Variants in BMPR1B observed in about 807,000 individuals in gnomAD.
BMPR1B encodes the protein bone morphogenetic protein receptor type-1B.
A neutral mutation model predicts 59.1 loss-of-function variants in BMPR1B; 12 were observed. That is an observed-to-expected ratio of 0.20 (90% CI 0.13 to 0.33). The LOEUF (loss-of-function observed/expected upper bound fraction) is 0.33. Ranked by LOEUF, BMPR1B falls within the 10% of genes least tolerant of loss-of-function variation. The pLI is 1.00. For missense variants in BMPR1B, 550 were observed against 610.9 expected, an observed-to-expected ratio of 0.90 and a Z score of 1.05; for synonymous variants, 237 against 207.3, an observed-to-expected ratio of 1.14 and a Z score of -1.23.
At chr4:94,941,884 A>G (rs1007051847) in intron 2 of BMPR1B, among the ~76,000 whole-genome samples, 4 of 152,208 alleles carry the variant, frequency 2.6e-5, no homozygotes, top group Non-Finnish European at 5.9e-5. Context: ...GACATCACTC[A>G]TCCGTCTCCA....
intron 2 of BMPR1B, among the ~76,000 whole-genome samples, chr4:94,909,834 A>G (rs561672550): frequency 3.3e-5 from 5 of 152,094 alleles, no homozygotes; most frequent in African/African-American, 4.8e-5. Flanking sequence ...TGTGGGGCCT[A>G]TTGTGTCTCC....
intron 3 of BMPR1B, among the ~76,000 whole-genome samples, chr4:95,076,559 G>T (rs962051295): frequency 1.1e-4 from 16 of 151,974 alleles, no homozygotes; most frequent in African/African-American, 3.9e-4. Flanking sequence ...ACATATATAA[G>T]TATTATTATC....
At chr4:94,821,637 T>A (rs1458820657) in intron 1 of BMPR1B, among the ~76,000 whole-genome samples, 1 of 152,164 alleles carries the variant, frequency 6.6e-6, no homozygotes, top group East Asian at 1.9e-4. Context: ...AAATATTTAT[T>A]GAATACCTCC....
At chr4:95,020,443 G>T (rs1723894742) in intron 3 of BMPR1B, among the ~76,000 whole-genome samples, 1 of 152,110 alleles carries the variant, frequency 6.6e-6, no homozygotes, top group Non-Finnish European at 1.5e-5. Context: ...GCTGGGCGTG[G>T]TGGTACATGC....
chr4:94,962,405 T>C (rs562619854), intron 2 of BMPR1B, among the ~76,000 whole-genome samples: 112 of 152,304 alleles, frequency 7.4e-4, no homozygotes, highest in African/African-American at 2.5e-3. Flanking sequence ...CCCAAAGTGC[T>C]AGGATTACAG....
At chr4:94,886,707 G>A (rs1727183351) in intron 2 of BMPR1B, among the ~76,000 whole-genome samples, 1 of 152,098 alleles carries the variant, frequency 6.6e-6, no homozygotes, top group African/African-American at 2.4e-5. Context: ...TGAAGACAGA[G>A]AATGACATGA....
At chr4:95,028,055 T>C (rs10516957) in intron 3 of BMPR1B, among the ~76,000 whole-genome samples, 12,089 of 152,160 alleles carry the variant, frequency 0.079, 929 homozygotes, top group East Asian at 0.42. Context: ...ATTGGAGACA[T>C]TCCTAAAGAC....
At position 94,957,437 on chromosome 4, in the gene BMPR1B, A is replaced by C. The variant is rs758237489; in HGVS notation, c.-112-38603A>C. 6.2e-5 allele frequency among the ~76,000 whole-genome samples: 8 copies of C among 128,540 alleles called. No individual in the cohort carries two copies. In the Admixed American group the frequency reaches 7.0e-4, roughly 11 times the overall value. The allele number at this position is 128,540 out of a possible 152,430, so 84.3% of individuals were successfully genotyped here. A position where few individuals can be genotyped will look rare whatever the true frequency, so the allele number is the denominator to read the frequency against. On this transcript the variant is annotated intron_variant, in intron 2 of 12. Transcript: ENST00000515059. ...TTTCTTTTTGTCTTTTCATTTTCTT[A>C]TAAGACTTTAGGATGTTTAAAATGA...
At chr4:94,829,687 A>G (rs538316014) in intron 1 of BMPR1B, among the ~76,000 whole-genome samples, 1 of 152,288 alleles carries the variant, frequency 6.6e-6, no homozygotes, top group East Asian at 1.9e-4. Flanking sequence ...GTGCATAGAA[A>G]TGGAGAGGAA....
intron 3 of BMPR1B, among the ~76,000 whole-genome samples, chr4:95,000,728 A>G (rs1722386917): frequency 6.6e-6 from 1 of 152,106 alleles, no homozygotes; most frequent in Non-Finnish European, 1.5e-5. Context: ...CTTAGTATGG[A>G]AAGATTATAA....
chr4:94,991,425 T>G (rs1721752851), intron 2 of BMPR1B, among the ~76,000 whole-genome samples: 1 of 152,196 alleles, frequency 6.6e-6, no homozygotes. Flanking sequence ...ATGCTGTTAT[T>G]GAACCTATAT....
chr4:94,933,271 T>G lies in BMPR1B; in HGVS notation c.-113+57371T>G, dbSNP rs140218375. 3.5e-4 allele frequency among the ~76,000 whole-genome samples: 53 copies of G among 152,228 alleles called. No homozygotes were observed. The East Asian group carries it at 8.1e-3, about 23-fold the overall frequency. On this transcript the variant is annotated intron_variant, in intron 2 of 12. Transcript: ENST00000515059. ...GAAAACATGGCACTTAACGACTTCT[T>G]ATTCCATTATATCATAGTTTATTTA... is the stretch of plus-strand genomic sequence containing the variant.
At chr4:94,874,956 G>A (rs1726660070) in intron 1 of BMPR1B, among the ~76,000 whole-genome samples, 1 of 152,166 alleles carries the variant, frequency 6.6e-6, no homozygotes, top group African/African-American at 2.4e-5. Flanking sequence ...TCGCGCCACT[G>A]TAGTCCAGCC....
chr4:94,968,756 C>T (rs1234254878), intron 2 of BMPR1B, among the ~76,000 whole-genome samples: 2 of 152,058 alleles, frequency 1.3e-5, no homozygotes, highest in Non-Finnish European at 2.9e-5. Flanking sequence ...TGAGTTTTAC[C>T]ATTGGTAGCA....
At chr4:94,767,236 A>G (rs527621232) in intron 1 of BMPR1B, among the ~76,000 whole-genome samples, 1 of 152,244 alleles carries the variant, frequency 6.6e-6, no homozygotes, top group Non-Finnish European at 1.5e-5. Flanking sequence ...TAGCTTAACT[A>G]CTATTTAAAT....
intron 3 of BMPR1B, among the ~76,000 whole-genome samples, chr4:95,062,316 A>G (rs557969979): frequency 1.3e-5 from 2 of 152,312 alleles, no homozygotes; most frequent in South Asian, 4.1e-4. Context: ...TTATTCTAAT[A>G]TATGCATTCT....
At chr4:95,108,288 C>A (rs1474798739) in intron 4 of BMPR1B, among the ~76,000 whole-genome samples, 1 of 151,978 alleles carries the variant, frequency 6.6e-6, no homozygotes, top group Non-Finnish European at 1.5e-5. Context: ...CTAAGTATTA[C>A]CCTTCTAGGT....
intron 3 of BMPR1B, among the ~76,000 whole-genome samples, chr4:95,098,776 G>A (rs1730608884): frequency 6.6e-6 from 1 of 152,004 alleles, no homozygotes. Context: ...GAGTGCAGTG[G>A]CGCGATCTGG....
chr4:94,949,809 A>G (rs1729862527), intron 2 of BMPR1B, among the ~76,000 whole-genome samples: 1 of 152,150 alleles, frequency 6.6e-6, no homozygotes, highest in African/African-American at 2.4e-5. Flanking sequence ...TATACTCAGT[A>G]ATGGGATTAC....
Sources: allele counts gnomAD v4.1 joint callset (sites outside exome capture counted in the v4.1 genomes callset), GRCh38; gene constraint gnomAD v4.1.1; transcripts MANE v1.5; gene names NCBI Gene and HGNC (gene_info 2026-07-23, HGNC 2026-07-21).